The following FOXL2NB variants were observed in gnomAD, a reference collection of about 807,000 sequenced individuals.
The protein encoded by FOXL2NB is FOXL2 neighbor protein.
FOXL2NB carries 10 observed loss-of-function variants against 7.4 expected under a neutral mutation model. That is an observed-to-expected ratio of 1.34 (90% confidence interval 0.83 to 2.28). The LOEUF is 2.28. Among genes scored for constraint, FOXL2NB ranks in the 30% most tolerant of loss-of-function variants. The pLI is 0.00. For missense variants in FOXL2NB, 228 were observed against 233.9 expected (o/e 0.97, Z 0.17); for synonymous variants, 104 against 105.3 (o/e 0.99, Z 0.08).
At position 138,950,931 on chromosome 3, in the gene FOXL2NB, G is replaced by A. The variant is rs933431907; in HGVS notation, c.*359G>A. 9 of 284,494 alleles carry A rather than the reference G, an allele frequency of 3.2e-5. No individual in the cohort carries two copies. In the East Asian group the frequency reaches 9.5e-4, roughly 30 times the overall value. The allele number at this position is 284,494 out of a possible 1,614,324, so 17.6% of individuals were successfully genotyped here. On this transcript the variant is annotated 3_prime_UTR_variant, in exon 3 of 3. Transcript: ENST00000383165. ...AGGTTTACAAGCCTGACTCCGAGAA[G>A]CCTGTTGATTCTCTGATGTCCTTGG...
In FOXL2NB at chr3:138,949,403, T is replaced by A; in HGVS notation, c.101-117T>A. ...GTGTATGCATGTGCGTGTGTGTGTGTGTGTGTGTGTGTGTAGGGGTTGGGG... is the reference window on the plus strand; with the variant it reads ...GTGTATGCATGTGCGTGTGTGTGTGAGTGTGTGTGTGTGTAGGGGTTGGGG... On this transcript the variant is annotated intron_variant, in intron 1 of 2. Transcript: ENST00000383165. The surrounding 1 kb of genome is among the most constrained non-coding windows in gnomAD (Gnocchi z 4.5). 1 of 1,113,696 alleles carries A rather than the reference T, an allele frequency of 9.0e-7. No homozygotes were observed. Among genetic ancestry groups the A allele is most frequent in the Non-Finnish European group, 1.3e-6 (1 of 772,406 alleles). The allele number at this position is 1,113,696 out of a possible 1,614,324, so 69.0% of individuals were successfully genotyped here.
At position 138,952,183 on chromosome 3, in the gene FOXL2NB, G is replaced by A. The variant is rs569187695; in HGVS notation, c.*1611G>A. 1 of 152,332 alleles carries A rather than the reference G, an allele frequency of 6.6e-6. No homozygotes were observed. The highest frequency in any genetic ancestry group is 1.9e-4 in the East Asian group (1 of 5,180). 9.4% of individuals were successfully genotyped at this position (152,332 alleles called of 1,614,324 possible). ...GAAACAGAGAAGTCTCTGCATTCAG[G>A]GCAGCTGGCTTGCAAGGTAAGGCCT... On this transcript the variant is annotated 3_prime_UTR_variant, in exon 3 of 3. Transcript: ENST00000383165.
chr3:138,950,194 C>G (rs765779518), intron 2 of FOXL2NB, 71 bp from the exon 3 acceptor site: 1 of 1,544,616 alleles, frequency 6.5e-7, no homozygotes, highest in Non-Finnish European at 8.9e-7. Flanking sequence ...AGCCTGGCCC[C>G]GCGCCTCGGA....
At position 138,949,510 on chromosome 3, in the gene FOXL2NB, A is replaced by T; in HGVS notation, c.101-10A>T. ...AAATACTGATTTCTGACTGTCCCGT[A>T]GAGGAACAGAATCCCCAGCCCTGGT... On this transcript the variant is annotated splice_polypyrimidine_tract_variant and intron_variant, in intron 1 of 2. Coordinates refer to ENST00000383165, the MANE Select transcript of FOXL2NB (RefSeq NM_001040061.3). The surrounding 1 kb of genome is among the most constrained non-coding windows in gnomAD (Gnocchi z 4.5). The T allele has an allele frequency of 6.2e-7, 1 of 1,614,074 alleles. No homozygotes were observed. The highest frequency in any genetic ancestry group is 8.5e-7 in the Non-Finnish European group (1 of 1,179,990).
rs761594173 is a variant in FOXL2NB, at chr3:138,950,329, A to C, written c.285A>C (p.Leu95=). The change falls in exon 3 of 3, where the codon CTA becomes CTC. Residue 95 remains leucine, a synonymous_variant. Coordinates refer to ENST00000383165, the MANE Select transcript of FOXL2NB (RefSeq NM_001040061.3). ...PAPRASGGPA[L]LGKRRGCSEA... is the part of the protein sequence containing the mutation. ...CTCGGGCTTCCGGCGGCCCAGCTCT[A>C]CTAGGGAAGCGTCGCGGCTGCTCTG... 1.2e-6 allele frequency: 2 copies of C among 1,610,308 alleles called. No individual in the cohort carries two copies. Among genetic ancestry groups the C allele is most frequent in the African/African-American group, 1.3e-5 (1 of 74,720 alleles).
Position 138,947,340 on chromosome 3 carries a change from C to T in FOXL2NB, c.-25C>T. 1 of 1,535,708 alleles carries T rather than the reference C, an allele frequency of 6.5e-7. No homozygotes were observed. The highest frequency in any genetic ancestry group is 8.8e-7 in the Non-Finnish European group (1 of 1,136,920). Reference sequence around the variant, plus strand: ...CACGCGCCCTTGAAATCTGCCGGTACTCGCTCTGCGGGCTGGGCTGGGAGA... The same window carrying T: ...CACGCGCCCTTGAAATCTGCCGGTATTCGCTCTGCGGGCTGGGCTGGGAGA... On this transcript the variant is annotated 5_prime_UTR_variant, in exon 1 of 3. Transcript: ENST00000383165. The surrounding 1 kb of genome is among the most constrained non-coding windows in gnomAD (Gnocchi z 5.2).
In FOXL2NB at chr3:138,949,999, C is replaced by A. The variant is rs1936088376; in HGVS notation, c.221-266C>A. The A allele has an allele frequency of 2.9e-6, 2 of 701,652 alleles. No individual in the cohort carries two copies. Among genetic ancestry groups the A allele is most frequent in the African/African-American group, 3.5e-5 (2 of 57,270 alleles). 43.5% of individuals were successfully genotyped at this position (701,652 alleles called of 1,614,324 possible). A position where few individuals can be genotyped will look rare whatever the true frequency, so the allele number is the denominator to read the frequency against. On this transcript the variant is annotated intron_variant, in intron 2 of 2. Transcript: ENST00000383165. The surrounding 1 kb of genome is among the most constrained non-coding windows in gnomAD (Gnocchi z 4.5). ...AGTGACCTTGGGGCGGCGCTCACCT[C>A]CAAAGGCCAGGGTGGTGGGCTGGGC...
rs1398400951 is a variant in FOXL2NB, at chr3:138,951,341, T to G, written c.*769T>G. On this transcript the variant is annotated 3_prime_UTR_variant, in exon 3 of 3. Transcript: ENST00000383165. ...CACACATGAGAGCTGTTTCCTGTTG[T>G]TAAGTGTCTCACTGAGCTCCCCTCT... is the stretch of plus-strand genomic sequence containing the variant. 1 of 152,234 alleles carries G rather than the reference T, an allele frequency of 6.6e-6. No homozygotes were observed. Among genetic ancestry groups the G allele is most frequent in the Non-Finnish European group, 1.5e-5 (1 of 68,088 alleles). 9.4% of individuals were successfully genotyped at this position (152,234 alleles called of 1,614,324 possible).
intron 1 of FOXL2NB, among the ~76,000 whole-genome samples, chr3:138,948,355 G>T (rs1480412843): frequency 2.0e-5 from 3 of 152,190 alleles, no homozygotes; most frequent in Admixed American, 6.5e-5. Context: ...GAATTCTGAT[G>T]GGAATCCAAT....
Position 138,947,642 on chromosome 3 carries a change from C to T in FOXL2NB, c.100+178C>T, listed in dbSNP as rs1936017045. The stretch of plus-strand genomic sequence containing the variant: ...CGGGTGTGACTGTACGAAGAAGCCT[C>T]GGCCTGGCCTGTCCCTCGCGCTCTC... On this transcript the variant is annotated intron_variant, in intron 1 of 2. Transcript: ENST00000383165. The surrounding 1 kb of genome is among the most constrained non-coding windows in gnomAD (Gnocchi z 5.2). The T allele has an allele frequency of 5.8e-6, 8 of 1,377,642 alleles. No individual in the cohort carries two copies. The highest frequency in any genetic ancestry group is 6.7e-5 in the Admixed American group (2 of 29,942). 85.3% of individuals were successfully genotyped at this position (1,377,642 alleles called of 1,614,324 possible). A position where few individuals can be genotyped will look rare whatever the true frequency, so the allele number is the denominator to read the frequency against.
rs79487589 is a variant in FOXL2NB at position 138,947,552 on chromosome 3, G to A, written c.100+88G>A. 5,269 of 1,478,814 alleles carry A rather than the reference G, an allele frequency of 3.6e-3. 165 individuals carry two copies. In the African/African-American group the frequency reaches 0.066, roughly 18 times the overall value. 91.6% of individuals were successfully genotyped at this position (1,478,814 alleles called of 1,614,324 possible). A position where few individuals can be genotyped will look rare whatever the true frequency, so the allele number is the denominator to read the frequency against. On this transcript the variant is annotated intron_variant, in intron 1 of 2. Transcript: ENST00000383165. The surrounding 1 kb of genome is among the most constrained non-coding windows in gnomAD (Gnocchi z 5.2). ...CGGGGCTGGGGAGGGGCGAGACGGC[G>A]AGGGGGCTGGACGGGGTAGGGTGGG...
Position 138,947,705 on chromosome 3 carries a change from T to A in FOXL2NB, c.100+241T>A. 1 of 1,256,268 alleles carries A rather than the reference T, an allele frequency of 8.0e-7. No individual in the cohort carries two copies. Among genetic ancestry groups the A allele is most frequent in the Non-Finnish European group, 1.0e-6 (1 of 1,000,950 alleles). 77.8% of individuals were successfully genotyped at this position (1,256,268 alleles called of 1,614,324 possible). ...CTGGAATGGGGCAGGGGAGAGGATCTCTGGAAATAGTCGTCAGGGGCGCCG... is the reference window on the plus strand; with the variant it reads ...CTGGAATGGGGCAGGGGAGAGGATCACTGGAAATAGTCGTCAGGGGCGCCG... On this transcript the variant is annotated intron_variant, in intron 1 of 2. Coordinates refer to ENST00000383165, the MANE Select transcript of FOXL2NB (RefSeq NM_001040061.3). The surrounding 1 kb of genome is among the most constrained non-coding windows in gnomAD (Gnocchi z 5.2).
rs1301272230 is a variant in FOXL2NB at position 138,949,878 on chromosome 3, C to T, written c.220+239C>T. ...GCTGGTTGCTGGCGAGGTCGGGATCCTCTCTGAACAGGGCATACTGTGCCT... is the reference window on the plus strand; with the variant it reads ...GCTGGTTGCTGGCGAGGTCGGGATCTTCTCTGAACAGGGCATACTGTGCCT... On this transcript the variant is annotated intron_variant, in intron 2 of 2. Coordinates refer to ENST00000383165, the MANE Select transcript of FOXL2NB (RefSeq NM_001040061.3). The surrounding 1 kb of genome is among the most constrained non-coding windows in gnomAD (Gnocchi z 4.5). 2 of 701,386 alleles carry T rather than the reference C, an allele frequency of 2.9e-6. No homozygotes were observed. Among genetic ancestry groups the T allele is most frequent in the Admixed American group, 2.0e-5 (1 of 49,596 alleles). 43.4% of individuals were successfully genotyped at this position (701,386 alleles called of 1,614,324 possible). A position where few individuals can be genotyped will look rare whatever the true frequency, so the allele number is the denominator to read the frequency against.
chr3:138,950,736 C>A lies in FOXL2NB; in HGVS notation c.*164C>A. On this transcript the variant is annotated 3_prime_UTR_variant, in exon 3 of 3. Coordinates refer to ENST00000383165, the MANE Select transcript of FOXL2NB (RefSeq NM_001040061.3). ...CTTCTCCCTCTGTCAACTCCAAATC[C>A]CCTCTAGTTCTCCCTCCCCTCCTAC... 1.5e-6 allele frequency: 1 copy of A among 682,104 alleles called. No individual in the cohort carries two copies. The highest frequency in any genetic ancestry group is 2.5e-6 in the Non-Finnish European group (1 of 405,512). 42.3% of individuals were successfully genotyped at this position (682,104 alleles called of 1,614,324 possible).
In FOXL2NB at chr3:138,953,941, G is replaced by A. The variant is rs934897637; in HGVS notation, c.*3369G>A. Among the ~76,000 whole-genome samples the A allele has an allele frequency of 1.3e-5, 2 of 152,134 alleles. No homozygotes were observed. Among genetic ancestry groups the A allele is most frequent in the African/African-American group, 4.8e-5 (2 of 41,410 alleles). On this transcript the variant is annotated 3_prime_UTR_variant, in exon 3 of 3. Coordinates refer to ENST00000383165, the MANE Select transcript of FOXL2NB (RefSeq NM_001040061.3). ...TCCATCCATATGTTGAGGGACATTTGTTTCCAGTTTTTGGATATCATAAAT... is the reference window on the plus strand; with the variant it reads ...TCCATCCATATGTTGAGGGACATTTATTTCCAGTTTTTGGATATCATAAAT...
Position 138,949,551 on chromosome 3 carries a change from T to C in FOXL2NB, c.132T>C (p.Pro44=). Reference sequence around the variant, plus strand: ...CAGCCCTGGTGAAGAAGAGGATGCCTGATGCGTGCACCCTGGGAAGGGCTG... The same window carrying C: ...CAGCCCTGGTGAAGAAGAGGATGCCCGATGCGTGCACCCTGGGAAGGGCTG... The part of the protein sequence containing the change: ...ESPALVKKRM[P]DACTLGRAGI... Residue 44 remains proline, a synonymous_variant, in exon 2 of 3, where the codon CCT becomes CCC. Transcript: ENST00000383165. This position sits in a 1 kb window ranked among gnomAD's most constrained non-coding sequence, Gnocchi z 4.5. The C allele has an allele frequency of 6.2e-7, 1 of 1,614,144 alleles. No homozygotes were observed. Among genetic ancestry groups the C allele is most frequent in the Non-Finnish European group, 8.5e-7 (1 of 1,180,012 alleles).
Position 138,947,398 on chromosome 3 carries a change from C to A in FOXL2NB, c.34C>A (p.Arg12=), listed in dbSNP as rs988502946. The A allele has an allele frequency of 3.9e-6, 6 of 1,548,508 alleles. No homozygotes were observed. The African/African-American group carries it at 6.9e-5, about 18-fold the overall frequency. Residue 12 remains arginine (R), a synonymous_variant, in exon 1 of 3, where the codon CGG becomes AGG. Transcript: ENST00000383165. The surrounding 1 kb of genome is among the most constrained non-coding windows in gnomAD (Gnocchi z 5.2). The part of the protein sequence containing the change: ...TRTPVGSART[R]PKPRKLGPQR... The stretch of plus-strand genomic sequence containing the variant: ...GACCCCGGTGGGGTCTGCCCGCACC[C>A]GGCCAAAGCCCAGGAAGCTCGGGCC...
chr3:138,949,339 C>T lies in FOXL2NB; in HGVS notation c.101-181C>T, dbSNP rs1165957321. Reference sequence around the variant, plus strand: ...TGTGTGTCATCACTTCCCTGAATTCCACACTCGGCTCCCTTTTCAGCCTTT... The same window carrying T: ...TGTGTGTCATCACTTCCCTGAATTCTACACTCGGCTCCCTTTTCAGCCTTT... On this transcript the variant is annotated intron_variant, in intron 1 of 2. Coordinates refer to ENST00000383165, the MANE Select transcript of FOXL2NB (RefSeq NM_001040061.3). The surrounding 1 kb of genome is among the most constrained non-coding windows in gnomAD (Gnocchi z 4.5). Among the ~76,000 whole-genome samples, 2 of 151,966 alleles carry T rather than the reference C, an allele frequency of 1.3e-5. No homozygotes were observed. Among genetic ancestry groups the T allele is most frequent in the Admixed American group, 6.6e-5 (1 of 15,248 alleles).
At position 138,953,855 on chromosome 3, in the gene FOXL2NB, T is replaced by C. The variant is rs1195827091; in HGVS notation, c.*3283T>C. ...ACATATTTTTAATATTCACTGGTCT[T>C]GTTGCATGTGTCAGACATTTATTTC... is the stretch of plus-strand genomic sequence containing the variant. On this transcript the variant is annotated 3_prime_UTR_variant, in exon 3 of 3. Transcript: ENST00000383165. Among the ~76,000 whole-genome samples the C allele has an allele frequency of 1.3e-5, 2 of 152,248 alleles. No homozygotes were observed. Among genetic ancestry groups the C allele is most frequent in the Non-Finnish European group, 2.9e-5 (2 of 68,046 alleles).
Sources: allele counts gnomAD v4.1 joint callset (sites outside exome capture counted in the v4.1 genomes callset), GRCh38; gene constraint gnomAD v4.1.1; non-coding constraint Gnocchi (gnomAD v3.1); transcripts MANE v1.5; gene names NCBI Gene and HGNC (gene_info 2026-07-23, HGNC 2026-07-21).